Variants in TMEM18 observed in about 807,000 individuals in gnomAD.
The protein encoded by TMEM18 is transmembrane protein 18.
In TMEM18, 14 loss-of-function variants were observed where a neutral mutation model predicts 17.4. The ratio of observed to expected loss-of-function variants is 0.80; its 90% CI spans 0.53 to 1.25. The LOEUF (loss-of-function observed/expected upper bound fraction) is 1.25. TMEM18 is among the 50% of genes most tolerant of loss of function. The pLI is 0.00. For missense variants in TMEM18, 187 were observed against 172.1 expected (o/e 1.09, Z -0.48); for synonymous variants, 86 against 66.1 (o/e 1.30, Z -1.46).
At chr2:676,480 T>TAAGC (rs74164457) in intron 1 of TMEM18, 3 of 1,474,104 alleles carry the variant, frequency 2.0e-6, no homozygotes, top group Non-Finnish European at 1.8e-6. Context: ...AGAACTCCTG[T>TAAGC]GTCACTACTC....
At chr2:674,123 A>G (rs1046441477) in intron 2 of TMEM18, among the ~76,000 whole-genome samples, 2 of 152,218 alleles carry the variant, frequency 1.3e-5, no homozygotes, top group African/African-American at 4.8e-5. Flanking sequence ...GGTTTGAGAA[A>G]TGAATCACAG....
chr2:672,077 C>T (rs1179941840), intron 3 of TMEM18, among the ~76,000 whole-genome samples: 3 of 152,172 alleles, frequency 2.0e-5, no homozygotes, highest in Admixed American at 6.5e-5. Context: ...CAACCCCTTT[C>T]GGTGAGGGCC....
intron 1 of TMEM18, chr2:676,677 T>C: frequency 1.3e-6 from 2 of 1,540,414 alleles, no homozygotes; most frequent in Non-Finnish European, 1.8e-6. Flanking sequence ...TGGGCTCCCC[T>C]GGGATCTGTC....
chr2:676,764 A>C (rs1572415101), intron 1 of TMEM18: 1 of 926,244 alleles, frequency 1.1e-6, no homozygotes. Context: ...ATCAGGCTCC[A>C]CCACGCACGC....
chr2:674,490 T>G (rs1678942421), intron 2 of TMEM18, among the ~76,000 whole-genome samples: 1 of 152,226 alleles, frequency 6.6e-6, no homozygotes, highest in African/African-American at 2.4e-5. Context: ...ATAACACAGG[T>G]CTGTGATGAA....
chr2:664,621 G>A lies in TMEM18; in HGVS notation c.*4959C>T, dbSNP rs754583767. Among the ~76,000 whole-genome samples the A allele has an allele frequency of 4.6e-5, 7 of 152,162 alleles. No individual in the cohort carries two copies. Among genetic ancestry groups the A allele is most frequent in the Non-Finnish European group, 1.0e-4 (7 of 68,022 alleles). On this transcript the variant is annotated 3_prime_UTR_variant, in exon 5 of 5. Transcript: ENST00000281017. ...TCAGAAAAGTTTCTTTTTTTACGTT[G>A]CTACTTAGTGCAGACAAGGATTTCA...
intron 1 of TMEM18, 182 bp downstream of exon 1, chr2:677,107 C>A (rs1659272968): frequency 1.4e-6 from 1 of 708,374 alleles, no homozygotes; most frequent in South Asian, 1.9e-5. Context: ...AGCGCGCGCC[C>A]CCGACGCCGG....
rs910726498 is a variant in TMEM18 at position 665,907 on chromosome 2, A to C, written c.*3673T>G. Among the ~76,000 whole-genome samples the C allele has an allele frequency of 6.6e-5, 10 of 152,142 alleles. No homozygotes were observed. The highest frequency in any genetic ancestry group is 2.2e-4 in the African/African-American group (9 of 41,516). On this transcript the variant is annotated 3_prime_UTR_variant, in exon 5 of 5. Transcript: ENST00000281017. Reference sequence around the variant, plus strand: ...CACACACAACAGGACTCATGGAGGCAGTCACCCAGCTCACTCAGATGGAGT... The same window carrying C: ...CACACACAACAGGACTCATGGAGGCCGTCACCCAGCTCACTCAGATGGAGT...
chr2:677,031 C>A (rs1366830884), intron 1 of TMEM18, among the ~76,000 whole-genome samples: 2 of 150,652 alleles, frequency 1.3e-5, no homozygotes, highest in African/African-American at 4.9e-5. Context: ...CCCAGGACCC[C>A]GCCTAGCGCT....
rs879362211 is a variant in TMEM18, at chr2:665,940, C to T, written c.*3640G>A. Reference sequence around the variant, plus strand: ...AGCTCACTCAGATGGAGTGTTAACCCCACGCACACAAAACCCAGAGATGCG... The same window carrying T: ...AGCTCACTCAGATGGAGTGTTAACCTCACGCACACAAAACCCAGAGATGCG... On this transcript the variant is annotated 3_prime_UTR_variant, in exon 5 of 5. Transcript: ENST00000281017. 6.6e-6 allele frequency among the ~76,000 whole-genome samples: 1 copy of T among 152,112 alleles called. No individual in the cohort carries two copies. The highest frequency in any genetic ancestry group is 2.4e-5 in the African/African-American group (1 of 41,416).
chr2:674,055 A>C (rs925080561), intron 2 of TMEM18, among the ~76,000 whole-genome samples: 1 of 152,188 alleles, frequency 6.6e-6, no homozygotes, highest in African/African-American at 2.4e-5. Context: ...TGAGGGAGTT[A>C]GAGAACCTCT....
At chr2:670,762 G>A (rs971866619) in intron 3 of TMEM18, 1 of 152,830 alleles carries the variant, frequency 6.5e-6, no homozygotes, top group Non-Finnish European at 1.5e-5. Context: ...GAACGGCTGG[G>A]ACAGAGCTGG....
intron 1 of TMEM18, chr2:676,860 C>A: frequency 1.7e-6 from 1 of 597,434 alleles, no homozygotes; most frequent in Non-Finnish European, 3.0e-6. Context: ...CCCACACGAA[C>A]AAAGCCCTAC....
chr2:666,564 C>T lies in TMEM18; in HGVS notation c.*3016G>A, dbSNP rs114911813. 6.6e-6 allele frequency among the ~76,000 whole-genome samples: 1 copy of T among 152,184 alleles called. No homozygotes were observed. The highest frequency in any genetic ancestry group is 1.5e-5 in the Non-Finnish European group (1 of 68,026). On this transcript the variant is annotated 3_prime_UTR_variant, in exon 5 of 5. Transcript: ENST00000281017. Reference sequence around the variant, plus strand: ...GGAACAAGCTGCCACCAACGCATGGCACCCACAGCCTGCGTGGGCCTCGCC... The same window carrying T: ...GGAACAAGCTGCCACCAACGCATGGTACCCACAGCCTGCGTGGGCCTCGCC...
intron 3 of TMEM18, among the ~76,000 whole-genome samples, chr2:672,002 C>A (rs928487341): frequency 2.0e-5 from 3 of 149,746 alleles, no homozygotes; most frequent in Non-Finnish European, 4.5e-5. Flanking sequence ...CAGGAGGAGG[C>A]CGAGTCAGGG....
chr2:676,539 G>A, intron 1 of TMEM18: 2 of 1,548,756 alleles, frequency 1.3e-6, no homozygotes, highest in Non-Finnish European at 1.7e-6. Flanking sequence ...ATGACATAAG[G>A]ACACAAGCGC....
rs908665844 is a variant in TMEM18, at chr2:669,290, T to G, written c.*290A>C. ...TTATAATTAGTACTAGTTACACATA[T>G]GACATGGACTTCTTCAAATCAAATT... On this transcript the variant is annotated 3_prime_UTR_variant, in exon 5 of 5. Coordinates refer to ENST00000281017, the MANE Select transcript of TMEM18 (RefSeq NM_152834.4). 6 of 413,188 alleles carry G rather than the reference T, an allele frequency of 1.5e-5. No homozygotes were observed. The highest frequency in any genetic ancestry group is 9.9e-5 in the African/African-American group (5 of 50,418). 25.6% of individuals were successfully genotyped at this position (413,188 alleles called of 1,614,324 possible).
rs546697090 is a variant in TMEM18 at position 665,256 on chromosome 2, G to A, written c.*4324C>T. On this transcript the variant is annotated 3_prime_UTR_variant, in exon 5 of 5. Coordinates refer to ENST00000281017, the MANE Select transcript of TMEM18 (RefSeq NM_152834.4). Reference sequence around the variant, plus strand: ...TAGAGAATCAACCCCATATACAACAGGATCCAGAGATGCAGACACCCCACT... The same window carrying A: ...TAGAGAATCAACCCCATATACAACAAGATCCAGAGATGCAGACACCCCACT... 1.3e-4 allele frequency among the ~76,000 whole-genome samples: 20 copies of A among 151,680 alleles called. No homozygotes were observed. Among genetic ancestry groups the A allele is most frequent in the Middle Eastern group, 3.5e-3 (1 of 286 alleles).
chr2:677,399 C>A lies in TMEM18; in HGVS notation c.-54G>T. The A allele has an allele frequency of 1.9e-6, 3 of 1,594,250 alleles. No homozygotes were observed. The highest frequency in any genetic ancestry group is 2.6e-6 in the Non-Finnish European group (3 of 1,171,484). On this transcript the variant is annotated 5_prime_UTR_variant, in exon 1 of 5. Transcript: ENST00000281017. The stretch of plus-strand genomic sequence containing the variant: ...CCGCCGAACCCGGCCTGGCCAGAAT[C>A]CACAGAGGAGGGCGCCAAATCCTCT...
Sources: allele counts gnomAD v4.1 joint callset (sites outside exome capture counted in the v4.1 genomes callset), GRCh38; gene constraint gnomAD v4.1.1; transcripts MANE v1.5; gene names NCBI Gene and HGNC (gene_info 2026-07-23, HGNC 2026-07-21).